LRRC4C: variants seen among roughly 807,000 people sequenced by gnomAD.
The protein encoded by LRRC4C is leucine rich repeat containing 4C, also known as leucine-rich repeat-containing protein 4C.
LRRC4C carries 5 observed loss-of-function variants against 33.6 expected under a neutral mutation model. The observed-to-expected ratio is 0.15, with a 90% CI of 0.08 to 0.31. The LOEUF is 0.31. Ranked by LOEUF, LRRC4C falls within the 10% of genes least tolerant of loss-of-function variation. LRRC4C has a pLI of 1.00. For missense variants in LRRC4C, 560 were observed against 796.7 expected (o/e 0.70, Z 3.58); for synonymous variants, 329 against 302.0 (o/e 1.09, Z -0.93).
intron 3 of LRRC4C, among the ~76,000 whole-genome samples, chr11:40,452,007 C>T (rs950712000): frequency 2.6e-5 from 4 of 152,004 alleles, no homozygotes; most frequent in Admixed American, 6.6e-5. Context: ...ATCGCCTCAC[C>T]CAGGAAGTGC....
chr11:41,271,651 G>A (rs1360490785), intron 1 of LRRC4C, among the ~76,000 whole-genome samples: 10 of 152,040 alleles, frequency 6.6e-5, no homozygotes, highest in East Asian at 3.9e-4. Flanking sequence ...AAAAAATACC[G>A]TATTTATTAA....
At chr11:40,630,361 TC>T (rs377415416) in intron 3 of LRRC4C, among the ~76,000 whole-genome samples, 17 of 46,722 alleles carry the variant, frequency 3.6e-4, no homozygotes, top group Non-Finnish European at 8.0e-4. Context: ...TTCTTCTTCT[TC>T]TTCTTCTTCT....
chr11:41,331,964 C>A (rs1031353820), intron 1 of LRRC4C, among the ~76,000 whole-genome samples: 5 of 152,138 alleles, frequency 3.3e-5, no homozygotes, highest in African/African-American at 9.7e-5. Context: ...CCCATGATAA[C>A]CCCTTATTTT....
rs571251201 is a variant in LRRC4C, at chr11:40,428,667, G to C, written c.-269-108946C>G. Among the ~76,000 whole-genome samples, 7 of 152,288 alleles carry C rather than the reference G, an allele frequency of 4.6e-5. No individual in the cohort carries two copies. The East Asian group carries it at 1.4e-3, about 29-fold the overall frequency. ...CCTTCCCTTAACTAGCAAGTTGCTT[G>C]AATAAAGTCATACATGGAGTAAATG... On this transcript the variant is annotated intron_variant, in intron 3 of 6. Coordinates refer to ENST00000528697, the MANE Select transcript of LRRC4C (RefSeq NM_001258419.2).
At chr11:40,210,372 G>A (rs1467245561) in intron 5 of LRRC4C, among the ~76,000 whole-genome samples, 1 of 152,194 alleles carries the variant, frequency 6.6e-6, no homozygotes, top group East Asian at 1.9e-4. Flanking sequence ...CTTGAGCACA[G>A]AGAATATTTC....
At chr11:40,406,520 T>C (rs571660187) in intron 3 of LRRC4C, among the ~76,000 whole-genome samples, 2 of 152,274 alleles carry the variant, frequency 1.3e-5, no homozygotes, top group Admixed American at 1.3e-4. Context: ...GTATACATAT[T>C]AATTGAATAA....
chr11:41,036,127 G>A (rs901347294), intron 1 of LRRC4C, among the ~76,000 whole-genome samples: 10 of 152,064 alleles, frequency 6.6e-5, no homozygotes, highest in Admixed American at 1.3e-4. Context: ...AGATTTCTAT[G>A]AGGGTTGGAA....
At chr11:41,004,572 T>TAGATGATATATTCTA (rs1409883170) in intron 1 of LRRC4C, among the ~76,000 whole-genome samples, 1 of 152,210 alleles carries the variant, frequency 6.6e-6, no homozygotes, top group African/African-American at 2.4e-5. Flanking sequence ...TCTCTTTTCT[T>TAGATGATATATTCTA]AGATGATATA....
At chr11:40,622,843 A>C (rs1170108067) in intron 3 of LRRC4C, among the ~76,000 whole-genome samples, 1 of 151,840 alleles carries the variant, frequency 6.6e-6, no homozygotes, top group Admixed American at 6.6e-5. Flanking sequence ...TAGCTAGTAA[A>C]ATCTTAACAG....
chr11:41,202,644 T>A (rs934505615), intron 1 of LRRC4C, among the ~76,000 whole-genome samples: 12 of 152,102 alleles, frequency 7.9e-5, no homozygotes, highest in South Asian at 4.1e-4. Context: ...CATTGCCGTG[T>A]TTTTTGGCTC....
intron 2 of LRRC4C, among the ~76,000 whole-genome samples, chr11:40,795,968 G>T (rs923083108): frequency 6.6e-6 from 1 of 152,122 alleles, no homozygotes; most frequent in African/African-American, 2.4e-5. Context: ...TGTGTTCTTA[G>T]CCCCAAATGA....
intron 3 of LRRC4C, among the ~76,000 whole-genome samples, chr11:40,443,812 T>C (rs1951504080): frequency 6.6e-6 from 1 of 152,206 alleles, no homozygotes; most frequent in Non-Finnish European, 1.5e-5. Flanking sequence ...ACTAATCATC[T>C]TTCCAGTGAC....
chr11:40,916,478 G>A (rs191654373), intron 2 of LRRC4C, among the ~76,000 whole-genome samples: 20 of 152,050 alleles, frequency 1.3e-4, no homozygotes, highest in South Asian at 4.1e-4. Flanking sequence ...GTTCTCACTC[G>A]TAGGTGGGAA....
chr11:41,193,302 CTTGCTCCTAAAAACCATCTGAT>C (rs1946041660), intron 1 of LRRC4C, among the ~76,000 whole-genome samples: 2 of 152,098 alleles, frequency 1.3e-5, no homozygotes, highest in East Asian at 3.9e-4. Context: ...GAGTCATCTA[CTTGCTCCTAAAAACCATCTGAT>C]TCAGTCTCTA....
intron 3 of LRRC4C, among the ~76,000 whole-genome samples, chr11:40,483,793 GTATA>G (rs1953714329): frequency 1.3e-5 from 2 of 149,766 alleles, no homozygotes; most frequent in South Asian, 4.2e-4. Context: ...GTATATATAT[GTATA>G]TATATGTATA....
At chr11:40,825,435 T>C in intron 2 of LRRC4C, among the ~76,000 whole-genome samples, 1 of 151,828 alleles carries the variant, frequency 6.6e-6, no homozygotes, top group East Asian at 1.9e-4. Flanking sequence ...CCTGTCAAAT[T>C]ACAATCTGCC....
At chr11:41,239,314 T>A in intron 1 of LRRC4C, among the ~76,000 whole-genome samples, 1 of 91,770 alleles carries the variant, frequency 1.1e-5, no homozygotes, top group South Asian at 4.9e-4. Flanking sequence ...AGAGCAAGAC[T>A]CTGTCTCAAA....
At chr11:40,575,025 A>T (rs953248751) in intron 3 of LRRC4C, among the ~76,000 whole-genome samples, 3 of 152,196 alleles carry the variant, frequency 2.0e-5, no homozygotes, top group African/African-American at 7.2e-5. Flanking sequence ...ACTGGGTCAC[A>T]GTCAAAGGAG....
chr11:40,666,893 T>C lies in LRRC4C; in HGVS notation c.-406-18615A>G, dbSNP rs75394756. ...CTTCCTCCTGAGGTCCCTCCAAATATTTGTGAAAGATAACTCCAAAAATAT... is the reference window on the plus strand; with the variant it reads ...CTTCCTCCTGAGGTCCCTCCAAATACTTGTGAAAGATAACTCCAAAAATAT... On this transcript the variant is annotated intron_variant, in intron 2 of 6. Transcript: ENST00000528697. 8.6e-3 allele frequency among the ~76,000 whole-genome samples: 1,305 copies of C among 152,250 alleles called. 18 individuals carry two copies. Among genetic ancestry groups the C allele is most frequent in the African/African-American group, 0.029 (1,220 of 41,542 alleles).
Sources: allele counts gnomAD v4.1 joint callset (sites outside exome capture counted in the v4.1 genomes callset), GRCh38; gene constraint gnomAD v4.1.1; transcripts MANE v1.5; gene names NCBI Gene and HGNC (gene_info 2026-07-23, HGNC 2026-07-21).